OR1L8: variants seen among roughly 807,000 people sequenced by gnomAD.
The protein encoded by OR1L8 is olfactory receptor family 1 subfamily L member 8, also known as olfactory receptor 1L8.
For missense variants in OR1L8, 330 were observed against 377.4 expected (o/e 0.87, Z 1.04); for synonymous variants, 148 against 147.0 (o/e 1.01, Z -0.05).
chr9:122,550,251 C>T, the OR1L8 span, among the ~76,000 whole-genome samples: 1 of 152,084 alleles, frequency 6.6e-6, no homozygotes, highest in Non-Finnish European at 1.5e-5. Flanking sequence ...GAGATTGAAT[C>T]ATACAATCTC....
chr9:122,551,152 T>G, the OR1L8 span, among the ~76,000 whole-genome samples: 6 of 152,154 alleles, frequency 3.9e-5, no homozygotes, highest in African/African-American at 1.4e-4. Flanking sequence ...CTCAATCCCA[T>G]TTACAATAGC....
At chr9:122,559,218 C>T in the OR1L8 span, among the ~76,000 whole-genome samples, 1 of 152,090 alleles carries the variant, frequency 6.6e-6, no homozygotes, top group African/African-American at 2.4e-5. Context: ...CCTAAATCTT[C>T]AGCTTGTAGT....
In OR1L8 at chr9:122,567,718, C is replaced by T. The variant is rs763147055; in HGVS notation, c.760G>A (p.Gly254Arg). 1 of 1,613,968 alleles carries T rather than the reference C, an allele frequency of 6.2e-7. No individual in the cohort carries two copies. The highest frequency in any genetic ancestry group is 2.2e-5 in the East Asian group (1 of 44,880). Residue 254 changes from glycine to arginine, a missense_variant, in exon 5 of 5, where the codon GGA becomes AGA. Transcript: ENST00000641027. ...TGTAAATAGACACAGAAGATGCTTCCATAAAAGAGCGTCACCACGGTGAGG... is the reference window on the plus strand; with the variant it reads ...TGTAAATAGACACAGAAGATGCTTCTATAAAAGAGCGTCACCACGGTGAGG... Reference protein sequence around the residue: ...FYLTVVTLFYGSIFCVYLQPP... With the variant: ...FYLTVVTLFYRSIFCVYLQPP...
chr9:122,581,956 G>A (rs1432382352), intron 1 of OR1L8, among the ~76,000 whole-genome samples: 1 of 152,034 alleles, frequency 6.6e-6, no homozygotes, highest in African/African-American at 2.4e-5. Flanking sequence ...AATAAAGACA[G>A]AACTTTATTT....
chr9:122,574,153 T>G (rs547849743), intron 3 of OR1L8, among the ~76,000 whole-genome samples: 92 of 152,290 alleles, frequency 6.0e-4, no homozygotes, highest in African/African-American at 1.9e-3. Flanking sequence ...TCCTCCAGTT[T>G]GTTTTTCTCC....
At chr9:122,576,244 C>G (rs1368815623) in intron 3 of OR1L8, among the ~76,000 whole-genome samples, 1 of 151,606 alleles carries the variant, frequency 6.6e-6, no homozygotes, top group Non-Finnish European at 1.5e-5. Flanking sequence ...TTTTTTAAGA[C>G]AGAGTCTTGC....
At chr9:122,553,587 T>C in the OR1L8 span, 5 of 1,614,048 alleles carry the variant, frequency 3.1e-6, no homozygotes, top group Middle Eastern at 5.0e-4. Context: ...ATATGACCGC[T>C]ATGTGGCCAT....
chr9:122,570,676 G>A lies in OR1L8; in HGVS notation c.-212-1987C>T, dbSNP rs17278944. Among the ~76,000 whole-genome samples the A allele has an allele frequency of 7.3e-3, 1,109 of 152,302 alleles. 10 individuals carry two copies. The highest frequency in any genetic ancestry group is 0.024 in the Middle Eastern group (7 of 294). On this transcript the variant is annotated intron_variant, in intron 4 of 4. Transcript: ENST00000641027. Reference sequence around the variant, plus strand: ...CGTCCCTTATCTGATATTCCTGCATGTTCTCAAAACTAATTATCTCACATG... The same window carrying A: ...CGTCCCTTATCTGATATTCCTGCATATTCTCAAAACTAATTATCTCACATG...
In OR1L8 at chr9:122,567,543, G is replaced by C; in HGVS notation, c.*5C>G. On this transcript the variant is annotated 3_prime_UTR_variant, in exon 5 of 5. Coordinates refer to ENST00000641027, the MANE Select transcript of OR1L8 (RefSeq NM_001004454.2). ...CCACTTACGAGTTTTTCAAGAGGGT[G>C]CTTCCTAGGATCTCTTGCTCATAAG... 1.9e-6 allele frequency: 3 copies of C among 1,549,228 alleles called. No individual in the cohort carries two copies. In the South Asian group the frequency reaches 3.8e-5, roughly 19 times the overall value.
the OR1L8 span, chr9:122,553,540 T>C: frequency 6.2e-7 from 1 of 1,614,006 alleles, no homozygotes; most frequent in African/African-American, 1.3e-5. Context: ...CTCCTTATGT[T>C]TGGTGGCCTT....
At chr9:122,572,081 G>T (rs543206354) in intron 4 of OR1L8, among the ~76,000 whole-genome samples, 2 of 152,116 alleles carry the variant, frequency 1.3e-5, no homozygotes, top group Non-Finnish European at 2.9e-5. Flanking sequence ...GAACAGAGGT[G>T]GGGGGAGGCG....
At chr9:122,553,349 G>T in the OR1L8 span, 1 of 1,613,916 alleles carries the variant, frequency 6.2e-7, no homozygotes, top group African/African-American at 1.3e-5. Flanking sequence ...TGGGGAACCT[G>T]CTCATTATCC....
chr9:122,557,339 TATG>T, the OR1L8 span, among the ~76,000 whole-genome samples: 1 of 152,142 alleles, frequency 6.6e-6, no homozygotes, highest in Non-Finnish European at 1.5e-5. Context: ...CATCATTAAG[TATG>T]ATATTAACTG....
chr9:122,560,157 T>G, the OR1L8 span, among the ~76,000 whole-genome samples: 8 of 151,892 alleles, frequency 5.3e-5, no homozygotes, highest in Non-Finnish European at 1.0e-4. Flanking sequence ...CAACCCCTCT[T>G]TTTTTTTGCT....
At chr9:122,575,416 CAT>C (rs1208444668) in intron 3 of OR1L8, among the ~76,000 whole-genome samples, 1 of 152,050 alleles carries the variant, frequency 6.6e-6, no homozygotes, top group Non-Finnish European at 1.5e-5. Flanking sequence ...TGCATTTTGA[CAT>C]ATTGTTGACA....
At chr9:122,561,221 C>T in the OR1L8 span, among the ~76,000 whole-genome samples, 1 of 152,096 alleles carries the variant, frequency 6.6e-6, no homozygotes, top group South Asian at 2.1e-4. Context: ...CCTGATTGTT[C>T]TAGTTAGCAG....
chr9:122,571,998 T>C (rs1829561732), intron 4 of OR1L8, among the ~76,000 whole-genome samples: 1 of 152,188 alleles, frequency 6.6e-6, no homozygotes, highest in Admixed American at 6.5e-5. Flanking sequence ...TTTCTGATTC[T>C]GGGGAGGCCT....
chr9:122,547,802 A>G, the OR1L8 span, among the ~76,000 whole-genome samples: 1 of 152,158 alleles, frequency 6.6e-6, no homozygotes, highest in African/African-American at 2.4e-5. Context: ...TCCTTTGAGT[A>G]TATACCTAGT....
chr9:122,561,875 T>C, the OR1L8 span, among the ~76,000 whole-genome samples: 1,244 of 152,050 alleles, frequency 8.2e-3, 16 homozygotes, highest in African/African-American at 0.029. Flanking sequence ...GTGGAGGGGG[T>C]ATGCTGTGCT....
Sources: gnomAD v4.1 joint callset for allele counts (sites outside exome capture counted in the v4.1 genomes callset) on GRCh38, gnomAD v4.1.1 for gene constraint, MANE v1.5 for transcripts, NCBI Gene and HGNC (gene_info 2026-07-23, HGNC 2026-07-21) for gene names.